The following CNOT8 variants were observed in gnomAD, a reference collection of about 807,000 sequenced individuals.
CNOT8 encodes CCR4-NOT transcription complex subunit 8, also known as CAF1-like protein.
CNOT8 carries 18 observed loss-of-function variants against 34.6 expected under a neutral mutation model. The ratio of observed to expected loss-of-function variants is 0.52; its 90% CI spans 0.36 to 0.77. CNOT8 has a LOEUF of 0.77. CNOT8 is among the 30% of genes least tolerant of loss of function. The pLI, the probability that CNOT8 is intolerant of heterozygous loss-of-function variation, is 0.00. For synonymous variants in CNOT8, 101 were observed against 118.8 expected (o/e 0.85, Z 0.98); for missense variants, 189 against 347.9 (o/e 0.54, Z 3.63).
intron 3 of CNOT8, among the ~76,000 whole-genome samples, chr5:154,866,467 T>G (rs1035611738): frequency 1.4e-4 from 21 of 152,238 alleles, no homozygotes; most frequent in African/African-American, 5.1e-4. Flanking sequence ...CAAGTAATTT[T>G]GGGAGATCAT....
In CNOT8 at chr5:154,875,314, G is replaced by A. The variant is rs1762845602; in HGVS notation, c.754G>A (p.Asp252Asn). The change falls in exon 7 of 7, where the codon GAT becomes AAT. Residue 252 changes from aspartate to asparagine, a missense_variant. Coordinates refer to ENST00000285896, the MANE Select transcript of CNOT8 (RefSeq NM_001301073.2). ...KELFFEDSID[D>N]AKYCGRLYGL... is the part of the protein sequence containing the mutation. ...GTTGTTTTTTGAGGACAGCATTGAT[G>A]ATGCCAAGTACTGTGGGCGGCTCTA... The A allele has an allele frequency of 6.2e-7, 1 of 1,613,998 alleles. No homozygotes were observed.
At chr5:154,875,247 T>G in intron 6 of CNOT8, 43 bp from the exon 7 acceptor site, 1 of 1,605,638 alleles carries the variant, frequency 6.2e-7, no homozygotes, top group South Asian at 1.1e-5. Flanking sequence ...TTGTCATGAC[T>G]TCTAGCATAA....
intron 2 of CNOT8, among the ~76,000 whole-genome samples, chr5:154,864,655 C>A (rs1024400324): frequency 2.6e-5 from 4 of 152,106 alleles, no homozygotes; most frequent in Non-Finnish European, 5.9e-5. Context: ...CCTGTAGTTA[C>A]TCAACTCTTT....
chr5:154,870,852 T>A, intron 4 of CNOT8, 30 bp downstream of exon 4: 1 of 1,573,878 alleles, frequency 6.4e-7, no homozygotes, highest in Non-Finnish European at 8.7e-7. Flanking sequence ...TATTTCTCTC[T>A]CACTTTGGGC....
rs1469833469 is a variant in CNOT8, at chr5:154,875,929, CTTTCCT to C, written c.*495_*500del. ...AATGGGTTGTAGATACTGAGTCTTC[CTTTCCT>C]TTTCTGACCCTTCTCGAGGACATTT... On this transcript the variant is annotated 3_prime_UTR_variant, in exon 7 of 7. Transcript: ENST00000285896. 1 of 153,564 alleles carries C rather than the reference CTTTCCT, an allele frequency of 6.5e-6. No homozygotes were observed. The highest frequency in any genetic ancestry group is 1.4e-5 in the Non-Finnish European group (1 of 69,010). The allele number at this position is 153,564 out of a possible 1,614,324, so 9.5% of individuals were successfully genotyped here.
At chr5:154,869,947 C>G (rs554206718) in intron 3 of CNOT8, among the ~76,000 whole-genome samples, 15 of 152,188 alleles carry the variant, frequency 9.9e-5, no homozygotes, top group Admixed American at 9.2e-4. Context: ...TTGGTAGAGA[C>G]AGGGTTTCAC....
chr5:154,862,012 T>C (rs1362078053), intron 1 of CNOT8, among the ~76,000 whole-genome samples: 1 of 152,182 alleles, frequency 6.6e-6, no homozygotes, highest in Non-Finnish European at 1.5e-5. Context: ...TGTATTTTTA[T>C]AACCAGGCCT....
intron 1 of CNOT8, among the ~76,000 whole-genome samples, chr5:154,862,139 T>A (rs1478864397): frequency 6.6e-6 from 1 of 152,198 alleles, no homozygotes; most frequent in Non-Finnish European, 1.5e-5. Flanking sequence ...ACACCATGAA[T>A]CATTCTGTTT....
intron 3 of CNOT8, 81 bp downstream of exon 3, chr5:154,865,466 G>A: frequency 3.3e-6 from 3 of 895,804 alleles, no homozygotes; most frequent in Non-Finnish European, 4.9e-6. Flanking sequence ...GAGCGGTCAA[G>A]CAGAGGACGG....
At chr5:154,871,209 C>T (rs1762453581) in intron 4 of CNOT8, among the ~76,000 whole-genome samples, 1 of 152,098 alleles carries the variant, frequency 6.6e-6, no homozygotes. Flanking sequence ...TACAATTAAA[C>T]CCCTTGGGTA....
chr5:154,872,886 A>G (rs1010090313), intron 6 of CNOT8, among the ~76,000 whole-genome samples: 1 of 152,176 alleles, frequency 6.6e-6, no homozygotes, highest in African/African-American at 2.4e-5. Flanking sequence ...CTTCTGCCTC[A>G]GCCTCCTGAG....
At chr5:154,867,860 T>A in intron 3 of CNOT8, 1 of 161,148 alleles carries the variant, frequency 6.2e-6, no homozygotes, top group East Asian at 1.9e-4. Flanking sequence ...TGTAAGTCTG[T>A]ACAAAGAAGC....
chr5:154,864,538 C>T lies in CNOT8; in HGVS notation c.118-654C>T, dbSNP rs145341216. The stretch of plus-strand genomic sequence containing the variant: ...TCCAGTCTTTTCACTCAAGCTAAGC[C>T]TGTCTCTTTATATTTTTTTCTGAAT... On this transcript the variant is annotated intron_variant, in intron 2 of 6. Transcript: ENST00000285896. Among the ~76,000 whole-genome samples the T allele has an allele frequency of 1.4e-4, 21 of 151,950 alleles. No individual in the cohort carries two copies. The East Asian group carries it at 3.7e-3, about 27-fold the overall frequency.
At chr5:154,870,027 G>A (rs1762324316) in intron 3 of CNOT8, among the ~76,000 whole-genome samples, 2 of 152,180 alleles carry the variant, frequency 1.3e-5, no homozygotes, top group Admixed American at 6.5e-5. Flanking sequence ...CAAAGTGCTG[G>A]TATTACAGGT....
intron 3 of CNOT8, among the ~76,000 whole-genome samples, chr5:154,869,686 G>A (rs531977544): frequency 7.4e-4 from 111 of 149,166 alleles, no homozygotes; most frequent in Non-Finnish European, 1.3e-3. Flanking sequence ...GCGCAGTGGC[G>A]CGAGCTTGGC....
rs141803965 is a variant in CNOT8, at chr5:154,866,972, C to CA, written c.311+1597dup. On this transcript the variant is annotated intron_variant, in intron 3 of 6. Coordinates refer to ENST00000285896, the MANE Select transcript of CNOT8 (RefSeq NM_001301073.2). ...TGAAGCCTAGTTATAATAAGCAAAA[C>CA]AAAAAAAAAATGTTTATTTAAGTGG... 9.2e-3 allele frequency among the ~76,000 whole-genome samples: 1,353 copies of CA among 146,394 alleles called. 13 individuals are homozygous for CA. Among genetic ancestry groups the CA allele is most frequent in the South Asian group, 0.017 (81 of 4,668 alleles).
At chr5:154,872,018 T>G in intron 5 of CNOT8, 144 bp downstream of exon 5, 1 of 687,618 alleles carries the variant, frequency 1.5e-6, no homozygotes, top group South Asian at 2.0e-5. Context: ...AAAGCTGATT[T>G]GGTCAGATAT....
At chr5:154,875,013 C>T (rs751929260) in intron 6 of CNOT8, among the ~76,000 whole-genome samples, 7 of 149,808 alleles carry the variant, frequency 4.7e-5, no homozygotes, top group Admixed American at 2.0e-4. Context: ...GCCTCCTGGG[C>T]GCAAGTGATT....
At position 154,870,387 on chromosome 5, in the gene CNOT8, T is replaced by C. The variant is rs548050454; in HGVS notation, c.312-274T>C. On this transcript the variant is annotated intron_variant, in intron 3 of 6. Coordinates refer to ENST00000285896, the MANE Select transcript of CNOT8 (RefSeq NM_001301073.2). ...GCGTGCACCACTGTGCCTGGTGTTA[T>C]TGGTTTTTTTTTTTTTTTAAATAAT... The C allele has an allele frequency of 4.5e-5, 11 of 246,342 alleles. No homozygotes were observed. The South Asian group carries it at 5.2e-4, about 12-fold the overall frequency. The allele number at this position is 246,342 out of a possible 1,614,324, so 15.3% of individuals were successfully genotyped here. A position where few individuals can be genotyped will look rare whatever the true frequency, so the allele number is the denominator to read the frequency against.
Sources: allele counts gnomAD v4.1 joint callset (sites outside exome capture counted in the v4.1 genomes callset), GRCh38; gene constraint gnomAD v4.1.1; transcripts MANE v1.5; gene names NCBI Gene and HGNC (gene_info 2026-07-23, HGNC 2026-07-21).